The following BTN3A2 variants were observed in gnomAD, a reference collection of about 807,000 sequenced individuals.
BTN3A2 encodes the protein butyrophilin protein.
Under a neutral mutation model 37.6 loss-of-function variants are expected in BTN3A2, and 25 were observed. The ratio of observed to expected loss-of-function variants is 0.66; its 90% CI spans 0.48 to 0.93. The LOEUF (loss-of-function observed/expected upper bound fraction) is 0.93, where lower values mean the gene tolerates loss of function less well. Among genes scored for constraint, BTN3A2 ranks in the 40% least tolerant of loss-of-function variants. The pLI, the probability that BTN3A2 is intolerant of heterozygous loss-of-function variation, is 0.00. For missense variants in BTN3A2, 266 were observed against 410.9 expected, an observed-to-expected ratio of 0.65 and a Z score of 3.05; for synonymous variants, 122 against 159.4, an observed-to-expected ratio of 0.77 and a Z score of 1.77.
In BTN3A2 at chr6:26,374,782, G is replaced by T; in HGVS notation, c.*18G>T. 5.2e-6 allele frequency: 8 copies of T among 1,532,742 alleles called. No individual in the cohort carries two copies. In the South Asian group the frequency reaches 8.9e-5, roughly 17 times the overall value. 94.9% of individuals were successfully genotyped at this position (1,532,742 alleles called of 1,614,324 possible). On this transcript the variant is annotated 3_prime_UTR_variant, in exon 10 of 11. Transcript: ENST00000377708. ...CTCCTTCCTTTCAGAATGGAAAAAT[G>T]GCCCTCTTCAAGCCTGGTGAGTAAA...
chr6:26,374,521 G>T, intron 9 of BTN3A2, 148 bp downstream of exon 9: 2 of 939,994 alleles, frequency 2.1e-6, no homozygotes, highest in Non-Finnish European at 3.3e-6. Context: ...GAGCCTCTGA[G>T]AAACTCCTGA....
At chr6:26,374,539 C>A in intron 9 of BTN3A2, 166 bp downstream of exon 9, 2 of 870,586 alleles carry the variant, frequency 2.3e-6, no homozygotes, top group Non-Finnish European at 3.6e-6. Flanking sequence ...TGATCCTGCA[C>A]ACCCCCTTGT....
intron 10 of BTN3A2, chr6:26,375,510 A>G (rs984780776): frequency 2.0e-5 from 17 of 830,038 alleles, no homozygotes; most frequent in Non-Finnish European, 2.9e-5. Flanking sequence ...CTAATCTTCT[A>G]TCAGGGCCTC....
At chr6:26,374,587 G>A in intron 9 of BTN3A2, 184 bp from the exon 10 acceptor site, 1 of 860,866 alleles carries the variant, frequency 1.2e-6, no homozygotes, top group South Asian at 1.7e-5. Flanking sequence ...CCATGACACA[G>A]GGAGCCAAGC....
chr6:26,374,700 TGA>T (rs2113716099), intron 9 of BTN3A2, 69 bp from the exon 10 acceptor site: 1 of 1,418,112 alleles, frequency 7.1e-7, no homozygotes, highest in Non-Finnish European at 9.8e-7. Context: ...AAACATGTAG[TGA>T]GAGGAGAATG....
At chr6:26,370,247 C>T (rs1206262150) in intron 4 of BTN3A2, 75 bp from the exon 5 acceptor site, 1 of 1,509,440 alleles carries the variant, frequency 6.6e-7, no homozygotes, top group Non-Finnish European at 9.1e-7. Context: ...AAATCTGAGC[C>T]TGACATTGAT....
chr6:26,371,255 T>C (rs1389669233), intron 5 of BTN3A2, among the ~76,000 whole-genome samples: 3 of 151,718 alleles, frequency 2.0e-5, no homozygotes, highest in Non-Finnish European at 2.9e-5. Context: ...AGCGAGACTC[T>C]GTCTCAAAAA....
chr6:26,378,115 A>G lies in BTN3A2; in HGVS notation c.*2353A>G, dbSNP rs1242279134. ...TTACAGGGATGTTTTTAATCCCACTATGGACTCAGTCTCCTGGAAAAGGAT... is the reference window on the plus strand; with the variant it reads ...TTACAGGGATGTTTTTAATCCCACTGTGGACTCAGTCTCCTGGAAAAGGAT... On this transcript the variant is annotated 3_prime_UTR_variant, in exon 11 of 11. Transcript: ENST00000377708. 1 of 152,168 alleles carries G rather than the reference A, an allele frequency of 6.6e-6. No individual in the cohort carries two copies. Among genetic ancestry groups the G allele is most frequent in the African/African-American group, 2.4e-5 (1 of 41,426 alleles). 9.4% of individuals were successfully genotyped at this position (152,168 alleles called of 1,614,324 possible). A position where few individuals can be genotyped will look rare whatever the true frequency, so the allele number is the denominator to read the frequency against.
intron 6 of BTN3A2, 37 bp downstream of exon 6, chr6:26,373,134 T>A (rs1215963547): frequency 6.2e-7 from 1 of 1,610,374 alleles, no homozygotes; most frequent in Admixed American, 1.7e-5. Context: ...GCTCTTGGCT[T>A]GCATGCCCCA....
In BTN3A2 at chr6:26,377,015, G is replaced by T. The variant is rs1296765598; in HGVS notation, c.*1253G>T. 7.0e-7 allele frequency: 1 copy of T among 1,421,830 alleles called. No homozygotes were observed. Among genetic ancestry groups the T allele is most frequent in the Admixed American group, 1.7e-5 (1 of 59,168 alleles). 88.1% of individuals were successfully genotyped at this position (1,421,830 alleles called of 1,614,324 possible). On this transcript the variant is annotated 3_prime_UTR_variant, in exon 11 of 11. Coordinates refer to ENST00000377708, the MANE Select transcript of BTN3A2 (RefSeq NM_007047.5). ...ATGGATCTCATATCTACACATTTCT[G>T]CACGCCTCTTCCTCTGAGCCTCTGT...
In BTN3A2 at chr6:26,374,708, G is replaced by C. The variant is rs971113729; in HGVS notation, c.*7-63G>C. 2.1e-6 allele frequency: 3 copies of C among 1,447,188 alleles called. No individual in the cohort carries two copies. The African/African-American group carries it at 4.2e-5, about 20-fold the overall frequency. The allele number at this position is 1,447,188 out of a possible 1,614,324, so 89.6% of individuals were successfully genotyped here. On this transcript the variant is annotated intron_variant, in intron 9 of 10. Coordinates refer to ENST00000377708, the MANE Select transcript of BTN3A2 (RefSeq NM_007047.5). ...GGAGAGAAAACATGTAGTGAGAGGA[G>C]AATGGAGTGGGAAAAGTACAAAAAT...
In BTN3A2 at chr6:26,365,474, C is replaced by CTGTGTGTGTGTG. The variant is rs55949951; in HGVS notation, c.-67+154_-67+165dup. The CTGTGTGTGTGTG allele has an allele frequency of 7.6e-4, 421 of 550,862 alleles. 1 individual carries two copies. Among genetic ancestry groups the CTGTGTGTGTGTG allele is most frequent in the African/African-American group, 3.1e-3 (149 of 48,278 alleles). 34.1% of individuals were successfully genotyped at this position (550,862 alleles called of 1,614,324 possible). The stretch of plus-strand genomic sequence containing the variant: ...TCTCCCAGAGAAAGGGGTGCAGTGC[C>CTGTGTGTGTGTG]TGTGTGTGTGTGTGTGTGTGTGTGT... On this transcript the variant is annotated intron_variant, in intron 1 of 10. Transcript: ENST00000377708.
At position 26,374,201 on chromosome 6, in the gene BTN3A2, T is replaced by TA. The variant is rs34655395; in HGVS notation, c.965-87dup. On this transcript the variant is annotated intron_variant, in intron 8 of 10. Transcript: ENST00000377708. The stretch of plus-strand genomic sequence containing the variant: ...GAGACCATGGGGAAGGGTGGGATGG[T>TA]AAAAAAAAAAAAAAAAAAAAAAAAA... 3.0e-4 allele frequency: 74 copies of TA among 246,798 alleles called. 9 individuals are homozygous for TA. Among genetic ancestry groups the TA allele is most frequent in the African/African-American group, 7.9e-4 (10 of 12,626 alleles). 15.3% of individuals were successfully genotyped at this position (246,798 alleles called of 1,614,324 possible). A position where few individuals can be genotyped will look rare whatever the true frequency, so the allele number is the denominator to read the frequency against.
At position 26,377,083 on chromosome 6, in the gene BTN3A2, C is replaced by T; in HGVS notation, c.*1321C>T. ...TTGACCTTGGAGCCCACTGCCCTGA[C>T]CGTTTGCCCAATACCAAAAGTAGAG... On this transcript the variant is annotated 3_prime_UTR_variant, in exon 11 of 11. Coordinates refer to ENST00000377708, the MANE Select transcript of BTN3A2 (RefSeq NM_007047.5). 2 of 1,354,592 alleles carry T rather than the reference C, an allele frequency of 1.5e-6. No individual in the cohort carries two copies. The highest frequency in any genetic ancestry group is 2.1e-6 in the Non-Finnish European group (2 of 945,042). The allele number at this position is 1,354,592 out of a possible 1,614,324, so 83.9% of individuals were successfully genotyped here. A position where few individuals can be genotyped will look rare whatever the true frequency, so the allele number is the denominator to read the frequency against.
At chr6:26,366,153 G>T (rs931476815) in intron 1 of BTN3A2, among the ~76,000 whole-genome samples, 1 of 152,028 alleles carries the variant, frequency 6.6e-6, no homozygotes, top group Non-Finnish European at 1.5e-5. Context: ...GACTCAGAAA[G>T]CCGCTCCTAA....
At chr6:26,373,143 C>G (rs1195841724) in intron 6 of BTN3A2, 46 bp downstream of exon 6, 1 of 1,609,084 alleles carries the variant, frequency 6.2e-7, no homozygotes, top group African/African-American at 1.3e-5. Context: ...TTGCATGCCC[C>G]AGCCTGAAAA....
intron 10 of BTN3A2, chr6:26,375,475 G>A (rs956864709): frequency 1.8e-4 from 115 of 639,674 alleles, no homozygotes; most frequent in Non-Finnish European, 3.5e-5. Flanking sequence ...AAATTAAACG[G>A]TGTGTATCTC....
chr6:26,369,584 T>C, intron 4 of BTN3A2, among the ~76,000 whole-genome samples: 1 of 152,110 alleles, frequency 6.6e-6, no homozygotes, highest in Non-Finnish European at 1.5e-5. Flanking sequence ...ATCAATCTTA[T>C]GTAGGAAGAA....
At chr6:26,374,929 G>A (rs962551658) in intron 10 of BTN3A2, 131 bp downstream of exon 10, 13 of 931,376 alleles carry the variant, frequency 1.4e-5, no homozygotes, top group Admixed American at 5.0e-5. Flanking sequence ...GTAGGAAGAC[G>A]CATAAAGGGT....
Sources: allele counts gnomAD v4.1 joint callset (sites outside exome capture counted in the v4.1 genomes callset), GRCh38; gene constraint gnomAD v4.1.1; transcripts MANE v1.5; gene names NCBI Gene and HGNC (gene_info 2026-07-23, HGNC 2026-07-21).